The following GRIK4 variants were observed in gnomAD, a reference collection of about 807,000 sequenced individuals.
The protein encoded by GRIK4 is glutamate receptor ionotropic, kainate 4.
In GRIK4, 40 loss-of-function variants were observed where a neutral mutation model predicts 104.9. The observed-to-expected ratio is 0.38, with a 90% CI of 0.30 to 0.50. The LOEUF is 0.50. Ranked by LOEUF, GRIK4 falls within the 20% of genes least tolerant of loss-of-function variation. GRIK4 has a pLI of 0.93. For missense variants in GRIK4, 1,047 were observed against 1,308.1 expected (o/e 0.80, Z 3.08); for synonymous variants, 485 against 524.9 (o/e 0.92, Z 1.04).
chr11:120,697,419 C>A (rs1450025126), intron 3 of GRIK4, among the ~76,000 whole-genome samples: 1 of 152,128 alleles, frequency 6.6e-6, no homozygotes, highest in Admixed American at 6.5e-5. Flanking sequence ...AGTTCAAGAC[C>A]AGCCTGGTCA....
At chr11:120,770,543 T>C (rs1951922062) in intron 3 of GRIK4, among the ~76,000 whole-genome samples, 1 of 152,256 alleles carries the variant, frequency 6.6e-6, no homozygotes, top group Admixed American at 6.5e-5. Flanking sequence ...CAAGGTATAC[T>C]TTCTTTTGGA....
intron 3 of GRIK4, among the ~76,000 whole-genome samples, chr11:120,719,081 GT>G (rs903993636): frequency 7.2e-5 from 11 of 152,022 alleles, no homozygotes; most frequent in East Asian, 1.9e-4. Flanking sequence ...GCATAATTGA[GT>G]TTTTTTTAAA....
At chr11:120,543,197 C>T (rs1948054033) in intron 1 of GRIK4, among the ~76,000 whole-genome samples, 1 of 152,192 alleles carries the variant, frequency 6.6e-6, no homozygotes, top group African/African-American at 2.4e-5. Context: ...ATAATCTGTA[C>T]ATCAAACCCT....
At chr11:120,871,806 G>C (rs1308129536) in intron 9 of GRIK4, 4 of 456,198 alleles carry the variant, frequency 8.8e-6, no homozygotes, top group South Asian at 6.2e-5. Flanking sequence ...GAGAGGGAGG[G>C]AGAGAGAGAG....
At chr11:120,770,257 C>T (rs948956769) in intron 3 of GRIK4, among the ~76,000 whole-genome samples, 1 of 152,206 alleles carries the variant, frequency 6.6e-6, no homozygotes, top group Admixed American at 6.5e-5. Context: ...ACAGAGCTGC[C>T]TGGGTGATGG....
At chr11:120,573,383 G>A (rs996852631) in intron 1 of GRIK4, among the ~76,000 whole-genome samples, 2 of 152,154 alleles carry the variant, frequency 1.3e-5, no homozygotes, top group African/African-American at 2.4e-5. Flanking sequence ...ACCTTGGCAC[G>A]TGGCTGTTGA....
At position 120,634,183 on chromosome 11, in the gene GRIK4, C is replaced by T. The variant is rs184412607; in HGVS notation, c.-158-19502C>T. 6.4e-3 allele frequency among the ~76,000 whole-genome samples: 974 copies of T among 152,248 alleles called. 9 individuals are homozygous for T. Among genetic ancestry groups the T allele is most frequent in the Non-Finnish European group, 0.011 (718 of 68,016 alleles). ...GCGTCCTGCCTGACAAGTTGTAAGCCGCCGAATAAATGGCAAGAGGGGGCC... is the reference window on the plus strand; with the variant it reads ...GCGTCCTGCCTGACAAGTTGTAAGCTGCCGAATAAATGGCAAGAGGGGGCC... On this transcript the variant is annotated intron_variant, in intron 1 of 20. Coordinates refer to ENST00000527524, the MANE Select transcript of GRIK4 (RefSeq NM_014619.5).
chr11:120,854,838 A>G (rs1174125846), intron 8 of GRIK4, among the ~76,000 whole-genome samples: 1 of 152,222 alleles, frequency 6.6e-6, no homozygotes, highest in Non-Finnish European at 1.5e-5. Context: ...AAAGAGAAAA[A>G]TAAAGAAATT....
intron 3 of GRIK4, among the ~76,000 whole-genome samples, chr11:120,724,186 T>A (rs1276959323): frequency 1.3e-5 from 2 of 152,204 alleles, no homozygotes; most frequent in Non-Finnish European, 2.9e-5. Flanking sequence ...TCTTGCTCTA[T>A]TGCCCAGGCT....
At chr11:120,606,666 G>A (rs1417282204) in intron 1 of GRIK4, among the ~76,000 whole-genome samples, 1 of 152,224 alleles carries the variant, frequency 6.6e-6, no homozygotes, top group Non-Finnish European at 1.5e-5. Flanking sequence ...TGCCGCAGGT[G>A]TTGGGGGAGA....
intron 1 of GRIK4, among the ~76,000 whole-genome samples, chr11:120,552,643 G>A (rs75899406): frequency 0.013 from 1,904 of 152,300 alleles, 34 homozygotes; most frequent in East Asian, 0.067. Context: ...AGTCGCTGGT[G>A]CAGGCATGGA....
intron 19 of GRIK4, among the ~76,000 whole-genome samples, chr11:120,981,251 A>T (rs1253863513): frequency 6.6e-6 from 1 of 152,226 alleles, no homozygotes; most frequent in Non-Finnish European, 1.5e-5. Flanking sequence ...GTGGAAATGA[A>T]ACAGCCATAT....
chr11:120,555,969 T>TA lies in GRIK4; in HGVS notation c.-159+44083dup, dbSNP rs1331336640. Among the ~76,000 whole-genome samples the TA allele has an allele frequency of 6.6e-6, 1 of 152,222 alleles. No homozygotes were observed. The highest frequency in any genetic ancestry group is 6.5e-5 in the Admixed American group (1 of 15,282). ...TATTTCTAATGGTTTACTTACATGTTAGACTGTCGGCTACTTGAAACCAGT... is the reference window on the plus strand; with the variant it reads ...TATTTCTAATGGTTTACTTACATGTTAAGACTGTCGGCTACTTGAAACCAGT... On this transcript the variant is annotated intron_variant, in intron 1 of 20. Transcript: ENST00000527524. The surrounding 1 kb of genome is among the most constrained non-coding windows in gnomAD (Gnocchi z 5.3).
At chr11:120,979,243 A>G (rs1049011696) in intron 19 of GRIK4, among the ~76,000 whole-genome samples, 1 of 152,224 alleles carries the variant, frequency 6.6e-6, no homozygotes, top group Non-Finnish European at 1.5e-5. Flanking sequence ...AACTTCATTA[A>G]TCTTTAAATT....
chr11:120,840,568 C>G (rs1209923734), intron 8 of GRIK4, among the ~76,000 whole-genome samples: 1 of 152,098 alleles, frequency 6.6e-6, no homozygotes, highest in Non-Finnish European at 1.5e-5. Context: ...AGAGGTCGGG[C>G]ACGCAGAGAG....
At chr11:120,968,151 G>A (rs1944416130) in intron 19 of GRIK4, among the ~76,000 whole-genome samples, 1 of 152,186 alleles carries the variant, frequency 6.6e-6, no homozygotes, top group Admixed American at 6.5e-5. Context: ...TGAATAGAAA[G>A]CAGTCACTTA....
intron 1 of GRIK4, among the ~76,000 whole-genome samples, chr11:120,530,365 A>G (rs1378695307): frequency 6.6e-6 from 1 of 152,180 alleles, no homozygotes; most frequent in Non-Finnish European, 1.5e-5. Flanking sequence ...TGCAGGCTCT[A>G]GAAGATGGGT....
chr11:120,575,400 G>A (rs1015442013), intron 1 of GRIK4, among the ~76,000 whole-genome samples: 4 of 151,966 alleles, frequency 2.6e-5, no homozygotes, highest in African/African-American at 4.8e-5. Flanking sequence ...TGTCTGCGTC[G>A]TTTTACTTCT....
rs869038854 is a variant in GRIK4 at position 120,943,151 on chromosome 11, C to CACACACA, written c.1590+2691_1590+2692insACACACA. Among the ~76,000 whole-genome samples the CACACACA allele has an allele frequency of 1.7e-4, 17 of 98,516 alleles. 1 individual carries two copies. The highest frequency in any genetic ancestry group is 7.5e-4 in the South Asian group (2 of 2,676). 64.6% of individuals were successfully genotyped at this position (98,516 alleles called of 152,430 possible). A position where few individuals can be genotyped will look rare whatever the true frequency, so the allele number is the denominator to read the frequency against. On this transcript the variant is annotated intron_variant, in intron 14 of 20. Coordinates refer to ENST00000527524, the MANE Select transcript of GRIK4 (RefSeq NM_014619.5). Reference sequence around the variant, plus strand: ...ACACACACACACACACACACACACACCCCCCTGACTGTTTGGTGAGGATTC... The same window carrying CACACACA: ...ACACACACACACACACACACACACACACACACACCCCCTGACTGTTTGGTGAGGATTC...
Sources: gnomAD v4.1 joint callset for allele counts (sites outside exome capture counted in the v4.1 genomes callset) on GRCh38, gnomAD v4.1.1 for gene constraint, Gnocchi (gnomAD v3.1) non-coding constraint, MANE v1.5 for transcripts, NCBI Gene and HGNC (gene_info 2026-07-23, HGNC 2026-07-21) for gene names.